The following CTNND2 variants were observed in gnomAD, a reference collection of about 807,000 sequenced individuals.
The protein encoded by CTNND2 is catenin delta-2.
Under a neutral mutation model 144.4 loss-of-function variants are expected in CTNND2, and 22 were observed. That is an observed-to-expected ratio of 0.15 (90% CI 0.11 to 0.22). The LOEUF is 0.22. CTNND2 is among the 10% of genes least tolerant of loss of function. CTNND2 has a pLI of 1.00. For synonymous variants in CTNND2, 751 were observed against 695.6 expected (o/e 1.08, Z -1.25); for missense variants, 1,353 against 1,618.8 (o/e 0.84, Z 2.82).
At chr5:11,009,340 C>A (rs1740816169) in intron 18 of CTNND2, among the ~76,000 whole-genome samples, 1 of 152,204 alleles carries the variant, frequency 6.6e-6, no homozygotes, top group African/African-American at 2.4e-5. Context: ...TCTCCTTTCC[C>A]ACTTAGCTCA....
chr5:11,635,358 G>T (rs971916636), intron 2 of CTNND2, among the ~76,000 whole-genome samples: 1 of 151,936 alleles, frequency 6.6e-6, no homozygotes, highest in South Asian at 2.1e-4. Flanking sequence ...CTAAGCATGA[G>T]GAAGCAAAAA....
chr5:11,115,412 A>G (rs1427121456), intron 13 of CTNND2, among the ~76,000 whole-genome samples: 1 of 152,206 alleles, frequency 6.6e-6, no homozygotes, highest in Non-Finnish European at 1.5e-5. Context: ...TAGCCATCAC[A>G]GTAAAAGGTA....
intron 1 of CTNND2, among the ~76,000 whole-genome samples, chr5:11,842,157 G>C (rs1794504841): frequency 6.6e-6 from 1 of 151,902 alleles, no homozygotes; most frequent in African/African-American, 2.4e-5. Flanking sequence ...TCAATGCAGA[G>C]AACCCAGTCC....
chr5:11,225,390 A>G (rs1580637345), intron 10 of CTNND2, among the ~76,000 whole-genome samples: 1 of 152,238 alleles, frequency 6.6e-6, no homozygotes, highest in South Asian at 2.1e-4. Context: ...AGACCCCTAT[A>G]AACACCACCT....
At chr5:11,676,050 CA>C (rs374487999) in intron 2 of CTNND2, among the ~76,000 whole-genome samples, 221 of 152,060 alleles carry the variant, frequency 1.5e-3, no homozygotes, top group Middle Eastern at 6.8e-3. Flanking sequence ...GACTGGGAGA[CA>C]CCTCCCAGTA....
At chr5:11,805,927 A>G (rs558004191) in intron 1 of CTNND2, among the ~76,000 whole-genome samples, 5 of 152,306 alleles carry the variant, frequency 3.3e-5, no homozygotes, top group East Asian at 1.9e-4. Context: ...AGCAAGGTCA[A>G]CGTCAATAAT....
chr5:11,121,217 C>G (rs971617892), intron 12 of CTNND2, among the ~76,000 whole-genome samples: 1 of 152,160 alleles, frequency 6.6e-6, no homozygotes, highest in Non-Finnish European at 1.5e-5. Flanking sequence ...AAAATAAACA[C>G]CCTGATAACC....
At chr5:11,575,819 G>C (rs1281802717) in intron 2 of CTNND2, among the ~76,000 whole-genome samples, 1 of 151,894 alleles carries the variant, frequency 6.6e-6, no homozygotes, top group Non-Finnish European at 1.5e-5. Context: ...CTCTGTGGCT[G>C]TCTCTTCCTC....
chr5:11,057,702 C>T (rs1286560197), intron 16 of CTNND2, among the ~76,000 whole-genome samples: 39 of 152,038 alleles, frequency 2.6e-4, no homozygotes, highest in Non-Finnish European at 1.6e-4. Context: ...AACTTGGTAA[C>T]AAGTAGAGGT....
At chr5:11,671,524 A>C (rs1783871801) in intron 2 of CTNND2, among the ~76,000 whole-genome samples, 1 of 151,590 alleles carries the variant, frequency 6.6e-6, no homozygotes, top group Admixed American at 6.6e-5. Flanking sequence ...ATTTCATTGA[A>C]ATGATCTTCA....
At chr5:11,790,772 G>A (rs990825979) in intron 1 of CTNND2, among the ~76,000 whole-genome samples, 3 of 152,170 alleles carry the variant, frequency 2.0e-5, no homozygotes, top group Non-Finnish European at 2.9e-5. Context: ...GTTAGATACA[G>A]ACCCTGGGAC....
In CTNND2 at chr5:11,578,669, G is replaced by GAATAAATAAATA. The variant is rs57654816; in HGVS notation, c.175-13625_175-13614dup. The stretch of plus-strand genomic sequence containing the variant: ...GAGCGAGACTCCATCACAAATACAT[G>GAATAAATAAATA]AATAAATAAATAAATAAATAAATAA... On this transcript the variant is annotated intron_variant, in intron 2 of 21. Transcript: ENST00000304623. Among the ~76,000 whole-genome samples the GAATAAATAAATA allele has an allele frequency of 8.8e-3, 1,280 of 146,078 alleles. 8 individuals are homozygous for GAATAAATAAATA. The highest frequency in any genetic ancestry group is 8.5e-3 in the African/African-American group (335 of 39,620).
chr5:11,166,982 G>A (rs1178287908), intron 11 of CTNND2, among the ~76,000 whole-genome samples: 3 of 152,208 alleles, frequency 2.0e-5, no homozygotes, highest in Non-Finnish European at 2.9e-5. Context: ...TTAGGCCAAG[G>A]CTTCTTGTAG....
intron 9 of CTNND2, among the ~76,000 whole-genome samples, chr5:11,270,013 A>T (rs1242515567): frequency 1.3e-5 from 2 of 152,192 alleles, no homozygotes; most frequent in East Asian, 3.9e-4. Flanking sequence ...ATTCACAAAC[A>T]TTGTATTTCA....
At chr5:11,862,418 CAT>C in intron 1 of CTNND2, among the ~76,000 whole-genome samples, 1 of 152,236 alleles carries the variant, frequency 6.6e-6, no homozygotes, top group African/African-American at 2.4e-5. Context: ...GCACTAACAA[CAT>C]GACATTTTCT....
intron 3 of CTNND2, among the ~76,000 whole-genome samples, chr5:11,443,275 ATGTGTGCATGTGTGTGGTG>A (rs1368071265): frequency 5.5e-3 from 317 of 57,928 alleles, no homozygotes; most frequent in African/African-American, 0.037. Flanking sequence ...TGTGTGTGGT[ATGTGTGCATGTGTGTGGTG>A]TGTGTGCATG....
chr5:11,280,188 A>G (rs1366489935), intron 9 of CTNND2, among the ~76,000 whole-genome samples: 1 of 152,232 alleles, frequency 6.6e-6, no homozygotes, highest in Admixed American at 6.5e-5. Context: ...AGCTCAGAAC[A>G]TTTAAAATCC....
At chr5:11,571,139 A>T (rs1295404845) in intron 2 of CTNND2, among the ~76,000 whole-genome samples, 1 of 152,034 alleles carries the variant, frequency 6.6e-6, no homozygotes, top group African/African-American at 2.4e-5. Context: ...CACAGTATTA[A>T]TGTGGTCATG....
chr5:11,178,083 T>C (rs190344160), intron 11 of CTNND2, among the ~76,000 whole-genome samples: 3 of 152,338 alleles, frequency 2.0e-5, no homozygotes, highest in East Asian at 1.9e-4. Flanking sequence ...GCTGGTTTTA[T>C]ATTGTTTAGG....
Sources: allele counts gnomAD v4.1 joint callset (sites outside exome capture counted in the v4.1 genomes callset), GRCh38; gene constraint gnomAD v4.1.1; transcripts MANE v1.5; gene names NCBI Gene and HGNC (gene_info 2026-07-23, HGNC 2026-07-21).